The following MTMR14 variants were observed in gnomAD, a reference collection of about 807,000 sequenced individuals.
The protein encoded by MTMR14 is myotubularin related protein 14.
A neutral mutation model predicts 86.3 loss-of-function variants in MTMR14; 48 were observed. That is an observed-to-expected ratio of 0.56 (90% CI 0.44 to 0.71). The LOEUF is 0.71. MTMR14 is among the 30% of genes least tolerant of loss of function. The pLI, the probability that MTMR14 is intolerant of heterozygous loss-of-function variation, is 0.00. For synonymous variants in MTMR14, 366 were observed against 326.1 expected, an observed-to-expected ratio of 1.12 and a Z score of -1.32; for missense variants, 780 against 834.6, an observed-to-expected ratio of 0.93 and a Z score of 0.81.
At chr3:9,653,810 C>A in intron 2 of MTMR14, 41 bp downstream of exon 2, 1 of 1,613,422 alleles carries the variant, frequency 6.2e-7, no homozygotes, top group South Asian at 1.1e-5. Context: ...CTGGGGAGTC[C>A]GTGGCAGCTA....
intron 18 of MTMR14, among the ~76,000 whole-genome samples, chr3:9,698,450 C>CT (rs776908393): frequency 6.6e-6 from 1 of 152,250 alleles, no homozygotes; most frequent in Non-Finnish European, 1.5e-5. Flanking sequence ...CCACCTGCCC[C>CT]TGGCCTGTTC....
chr3:9,697,904 C>T, intron 18 of MTMR14, 38 bp downstream of exon 18: 1 of 1,612,872 alleles, frequency 6.2e-7, no homozygotes, highest in African/African-American at 1.3e-5. Context: ...TGCTCCCCTG[C>T]CCATGGGAAA....
At chr3:9,650,645 G>T (rs1249278376) in intron 1 of MTMR14, 1 of 246,342 alleles carries the variant, frequency 4.1e-6, no homozygotes, top group African/African-American at 2.2e-5. Flanking sequence ...TCCAAGTATA[G>T]TCTGGGGACC....
Position 9,684,671 on chromosome 3 carries a change from G to C in MTMR14, c.1050+1G>C. 1 of 1,614,144 alleles carries C rather than the reference G, an allele frequency of 6.2e-7. No individual in the cohort carries two copies. Among genetic ancestry groups the C allele is most frequent in the Non-Finnish European group, 8.5e-7 (1 of 1,179,996 alleles). ...CCTCCTGCGCCTTTCCTTGTGGGCT[G>C]TGAGTATGAATCGGCCCCTACCAAG... is the stretch of plus-strand genomic sequence containing the variant. On this transcript the variant is annotated splice_donor_variant, in intron 11 of 18. Transcript: ENST00000296003. LOFTEE classifies it high-confidence loss of function.
chr3:9,701,452 C>CTTATGCCCGGGAGG lies in MTMR14; in HGVS notation c.1770-336_1770-335insATGCCCGGGAGGTT. On this transcript the variant is annotated intron_variant, in intron 18 of 18. Coordinates refer to ENST00000296003, the MANE Select transcript of MTMR14 (RefSeq NM_001077525.3). This position sits in a 1 kb window ranked among gnomAD's most constrained non-coding sequence, Gnocchi z 4.2. ...TTGAGGGGCTGAGGTGGGAGGATGG[C>CTTATGCCCGGGAGG]TTGAGGCTACAGTGAGCGCTGATTG... is the stretch of plus-strand genomic sequence containing the variant. The CTTATGCCCGGGAGG allele has an allele frequency of 5.8e-6, 2 of 346,000 alleles. No individual in the cohort carries two copies. Among genetic ancestry groups the CTTATGCCCGGGAGG allele is most frequent in the Non-Finnish European group, 1.1e-5 (2 of 181,096 alleles). 21.4% of individuals were successfully genotyped at this position (346,000 alleles called of 1,614,324 possible).
At chr3:9,685,350 G>A in intron 13 of MTMR14, 103 bp downstream of exon 13, 1 of 1,391,048 alleles carries the variant, frequency 7.2e-7, no homozygotes, top group East Asian at 2.3e-5. Flanking sequence ...CCTTGCCCCA[G>A]GTGTGCAGGG....
At chr3:9,682,089 C>T (rs2075787016) in intron 9 of MTMR14, among the ~76,000 whole-genome samples, 1 of 152,358 alleles carries the variant, frequency 6.6e-6, no homozygotes, top group East Asian at 1.9e-4. Flanking sequence ...TCCTGCTTTT[C>T]CTTGCCCTGT....
At chr3:9,687,303 C>T (rs1280022818) in intron 13 of MTMR14, among the ~76,000 whole-genome samples, 1 of 152,104 alleles carries the variant, frequency 6.6e-6, no homozygotes, top group Non-Finnish European at 1.5e-5. Flanking sequence ...CGCCTGTAAT[C>T]CCAGCACTTG....
chr3:9,679,690 T>C (rs897215347), intron 9 of MTMR14, among the ~76,000 whole-genome samples: 5 of 152,228 alleles, frequency 3.3e-5, no homozygotes, highest in Non-Finnish European at 7.3e-5. Context: ...AAAATGGTGT[T>C]GGCAGTACCT....
intron 5 of MTMR14, 110 bp from the exon 6 acceptor site, chr3:9,670,938 C>G (rs977887603): frequency 2.3e-5 from 33 of 1,439,908 alleles, no homozygotes; most frequent in Admixed American, 1.5e-4. Flanking sequence ...TAGCACACGC[C>G]CCAGCTTCTG....
At position 9,677,500 on chromosome 3, in the gene MTMR14, C is replaced by T; in HGVS notation, c.822+113C>T. 1.2e-6 allele frequency: 1 copy of T among 840,676 alleles called. No individual in the cohort carries two copies. 52.1% of individuals were successfully genotyped at this position (840,676 alleles called of 1,614,324 possible). Reference sequence around the variant, plus strand: ...AACAAGCAGTCTTTGGGGAAAATAACTCCCCTTTCCTCCCTGATTGTTTCT... The same window carrying T: ...AACAAGCAGTCTTTGGGGAAAATAATTCCCCTTTCCTCCCTGATTGTTTCT... On this transcript the variant is annotated intron_variant, in intron 8 of 18. Transcript: ENST00000296003. The surrounding 1 kb of genome is among the most constrained non-coding windows in gnomAD (Gnocchi z 4.2).
chr3:9,657,972 T>G lies in MTMR14; in HGVS notation c.308+4203T>G, dbSNP rs546560441. Reference sequence around the variant, plus strand: ...TTTCCTGACTCTGTACCTGTCTGCCTTATCTTTCACCACCACGGCTCTCCC... The same window carrying G: ...TTTCCTGACTCTGTACCTGTCTGCCGTATCTTTCACCACCACGGCTCTCCC... On this transcript the variant is annotated intron_variant, in intron 2 of 18. Coordinates refer to ENST00000296003, the MANE Select transcript of MTMR14 (RefSeq NM_001077525.3). Among the ~76,000 whole-genome samples the G allele has an allele frequency of 2.0e-5, 3 of 152,314 alleles. No individual in the cohort carries two copies. The East Asian group carries it at 5.8e-4, about 29-fold the overall frequency.
At chr3:9,699,094 C>G (rs2076373964) in intron 18 of MTMR14, among the ~76,000 whole-genome samples, 1 of 151,706 alleles carries the variant, frequency 6.6e-6, no homozygotes, top group Admixed American at 6.6e-5. Context: ...ATCGTTTGAA[C>G]CTGGGAAGCG....
chr3:9,690,169 T>A lies in MTMR14; in HGVS notation c.1613+26T>A, dbSNP rs769409128. 6.2e-6 allele frequency: 10 copies of A among 1,612,418 alleles called. No individual in the cohort carries two copies. In the South Asian group the frequency reaches 1.1e-4, roughly 18 times the overall value. ...GTGAGGAGCTCCAAAGCCCTTGCTG[T>A]TGGAAGTGCCTAGCTTTCCCCCTTA... On this transcript the variant is annotated intron_variant, in intron 17 of 18. Coordinates refer to ENST00000296003, the MANE Select transcript of MTMR14 (RefSeq NM_001077525.3).
At chr3:9,667,063 G>A (rs2048295011) in intron 3 of MTMR14, among the ~76,000 whole-genome samples, 1 of 152,220 alleles carries the variant, frequency 6.6e-6, no homozygotes, top group South Asian at 2.1e-4. Flanking sequence ...AAGGTCAATA[G>A]AAGGGATGTG....
chr3:9,677,871 G>A lies in MTMR14; in HGVS notation c.823-113G>A. The A allele has an allele frequency of 2.2e-6, 2 of 894,316 alleles. No homozygotes were observed. Among genetic ancestry groups the A allele is most frequent in the South Asian group, 1.6e-5 (1 of 64,474 alleles). The allele number at this position is 894,316 out of a possible 1,614,324, so 55.4% of individuals were successfully genotyped here. A position where few individuals can be genotyped will look rare whatever the true frequency, so the allele number is the denominator to read the frequency against. ...CCAGGTAGCACAGGTATCTGGCCCA[G>A]AGAAGGCAAGCACTGCCTGTGGTAG... On this transcript the variant is annotated intron_variant, in intron 8 of 18. Coordinates refer to ENST00000296003, the MANE Select transcript of MTMR14 (RefSeq NM_001077525.3). This position sits in a 1 kb window ranked among gnomAD's most constrained non-coding sequence, Gnocchi z 4.2.
At chr3:9,653,064 C>T (rs1219290048) in intron 1 of MTMR14, among the ~76,000 whole-genome samples, 1 of 152,184 alleles carries the variant, frequency 6.6e-6, no homozygotes, top group Non-Finnish European at 1.5e-5. Flanking sequence ...TGGTGAAACC[C>T]CTGTCTCTAC....
intron 16 of MTMR14, 23 bp downstream of exon 16, chr3:9,689,105 A>C (rs2076058400): frequency 6.2e-6 from 10 of 1,606,394 alleles, no homozygotes; most frequent in Admixed American, 1.7e-5. Context: ...ACTTGGACCA[A>C]GGTCACTCAC....
At chr3:9,687,293 C>T (rs1023998052) in intron 13 of MTMR14, among the ~76,000 whole-genome samples, 1 of 152,060 alleles carries the variant, frequency 6.6e-6, no homozygotes, top group Non-Finnish European at 1.5e-5. Flanking sequence ...CGGTGGTTGA[C>T]GCCTGTAATC....
Sources: allele counts gnomAD v4.1 joint callset (sites outside exome capture counted in the v4.1 genomes callset), GRCh38; gene constraint gnomAD v4.1.1; non-coding constraint Gnocchi (gnomAD v3.1); transcripts MANE v1.5; gene names NCBI Gene and HGNC (gene_info 2026-07-23, HGNC 2026-07-21).